PIP5K1B: variants seen among roughly 807,000 people sequenced by gnomAD.
The protein encoded by PIP5K1B is phosphatidylinositol-4-phosphate 5-kinase type 1 beta, also known as phosphatidylinositol 4-phosphate 5-kinase type-1 beta.
PIP5K1B carries 42 observed loss-of-function variants against 67.0 expected under a neutral mutation model. The ratio of observed to expected loss-of-function variants is 0.63; its 90% confidence interval spans 0.49 to 0.81. PIP5K1B has a LOEUF of 0.81. Among genes scored for constraint, PIP5K1B ranks in the 30% least tolerant of loss-of-function variants. The probability of loss-of-function intolerance (pLI) is 0.00; values close to 1 mark genes in which losing one functional copy is unlikely to be tolerated. For missense variants in PIP5K1B, 459 were observed against 646.3 expected, an observed-to-expected ratio of 0.71 and a Z score of 3.14; for synonymous variants, 214 against 231.4, an observed-to-expected ratio of 0.92 and a Z score of 0.68.
At chr9:68,794,144 T>G (rs183539348) in intron 2 of PIP5K1B, among the ~76,000 whole-genome samples, 1 of 152,052 alleles carries the variant, frequency 6.6e-6, no homozygotes, top group African/African-American at 2.4e-5. Flanking sequence ...TGCGGTGGAG[T>G]GGTGCAGTTG....
chr9:68,916,670 G>A (rs549825868), intron 8 of PIP5K1B, among the ~76,000 whole-genome samples: 5 of 152,136 alleles, frequency 3.3e-5, no homozygotes, highest in East Asian at 3.9e-4. Flanking sequence ...TCATGGGTTC[G>A]AGACCAGCCT....
At chr9:68,781,058 G>C in intron 2 of PIP5K1B, 1 of 1,588,662 alleles carries the variant, frequency 6.3e-7, no homozygotes, top group African/African-American at 1.3e-5. Context: ...TCTTTTTGCA[G>C]TGGAGAGAGA....
intron 14 of PIP5K1B, among the ~76,000 whole-genome samples, chr9:68,980,507 T>G (rs1267011074): frequency 6.6e-6 from 1 of 152,192 alleles, no homozygotes; most frequent in African/African-American, 2.4e-5. Flanking sequence ...CAAAGCCCCA[T>G]GAAAACAGGC....
intron 14 of PIP5K1B, among the ~76,000 whole-genome samples, chr9:68,988,453 T>G (rs1263480966): frequency 1.1e-4 from 7 of 66,426 alleles, no homozygotes; most frequent in Non-Finnish European, 2.2e-4. Flanking sequence ...GGTTTTTTTT[T>G]TTTTTTTTTT....
intron 14 of PIP5K1B, among the ~76,000 whole-genome samples, chr9:68,960,737 G>A (rs934029452): frequency 6.6e-6 from 1 of 152,004 alleles, no homozygotes; most frequent in Non-Finnish European, 1.5e-5. Context: ...TTATTTCATA[G>A]TTGCTGTAAC....
intron 14 of PIP5K1B, chr9:68,941,008 T>C (rs74752903): frequency 0.023 from 14,667 of 648,074 alleles, 310 homozygotes; most frequent in African/African-American, 0.074. Flanking sequence ...CATTATGTCA[T>C]GTAGAAATTA....
intron 15 of PIP5K1B, among the ~76,000 whole-genome samples, chr9:69,003,814 G>A (rs1830938437): frequency 6.6e-6 from 1 of 152,194 alleles, no homozygotes; most frequent in Non-Finnish European, 1.5e-5. Context: ...GAGGCCATCT[G>A]AGTTGGGAAG....
At chr9:68,789,484 TGTG>T (rs1201111163) in intron 2 of PIP5K1B, 2 of 519,694 alleles carry the variant, frequency 3.8e-6, no homozygotes, top group Non-Finnish European at 7.9e-6. Context: ...AAAAAGATCT[TGTG>T]GTGGTAAACA....
chr9:68,810,769 A>G (rs1833120424), intron 2 of PIP5K1B, among the ~76,000 whole-genome samples: 1 of 152,226 alleles, frequency 6.6e-6, no homozygotes, highest in South Asian at 2.1e-4. Context: ...TTTTCAATTA[A>G]GACATGCCCT....
chr9:68,849,964 C>A (rs1240332303), intron 4 of PIP5K1B, among the ~76,000 whole-genome samples: 1 of 152,032 alleles, frequency 6.6e-6, no homozygotes, highest in African/African-American at 2.4e-5. Flanking sequence ...GGTTATAGGT[C>A]CATAGGGTAT....
chr9:68,944,418 G>A (rs188413324), intron 14 of PIP5K1B, among the ~76,000 whole-genome samples: 2 of 152,124 alleles, frequency 1.3e-5, no homozygotes, highest in African/African-American at 4.8e-5. Flanking sequence ...CAAAGCTCTG[G>A]TTATGCATAA....
At chr9:68,954,273 C>G (rs1828258511) in intron 14 of PIP5K1B, among the ~76,000 whole-genome samples, 1 of 152,142 alleles carries the variant, frequency 6.6e-6, no homozygotes, top group African/African-American at 2.4e-5. Flanking sequence ...CCAATCTTCT[C>G]CCCTCTTTAT....
intron 8 of PIP5K1B, among the ~76,000 whole-genome samples, chr9:68,906,476 T>A (rs1271100871): frequency 6.6e-6 from 1 of 152,208 alleles, no homozygotes; most frequent in Non-Finnish European, 1.5e-5. Flanking sequence ...ATTCATGAAT[T>A]GATATATAAC....
At chr9:68,873,881 C>T (rs932181629) in intron 5 of PIP5K1B, among the ~76,000 whole-genome samples, 30 of 152,148 alleles carry the variant, frequency 2.0e-4, no homozygotes, top group African/African-American at 7.2e-4. Flanking sequence ...CACAGTGTAT[C>T]CAGTAGGACT....
chr9:68,745,071 C>T (rs1035269480), intron 2 of PIP5K1B, among the ~76,000 whole-genome samples: 5 of 152,176 alleles, frequency 3.3e-5, no homozygotes, highest in African/African-American at 7.2e-5. Flanking sequence ...TTGGCTTGTC[C>T]GTCAGCATCC....
intron 7 of PIP5K1B, among the ~76,000 whole-genome samples, chr9:68,891,588 C>G (rs983519833): frequency 6.6e-6 from 1 of 152,110 alleles, no homozygotes. Flanking sequence ...GAGTGCCCCT[C>G]CCATCAATAG....
At chr9:68,794,520 A>C (rs1022438243) in intron 2 of PIP5K1B, among the ~76,000 whole-genome samples, 16 of 152,084 alleles carry the variant, frequency 1.1e-4, no homozygotes, top group African/African-American at 3.6e-4. Flanking sequence ...TTACTGACTT[A>C]CTTCCTTCAT....
chr9:68,837,415 A>G (rs1388810322), intron 4 of PIP5K1B, among the ~76,000 whole-genome samples: 1 of 152,266 alleles, frequency 6.6e-6, no homozygotes, highest in Admixed American at 6.5e-5. Context: ...AAAATGCCTT[A>G]GTTTTCACTT....
chr9:68,988,819 G>A (rs1158328067), intron 14 of PIP5K1B, among the ~76,000 whole-genome samples: 1 of 151,964 alleles, frequency 6.6e-6, no homozygotes, highest in Non-Finnish European at 1.5e-5. Context: ...ACAATTTGTT[G>A]CGCATGGTGG....
Sources: gnomAD v4.1 joint callset for allele counts (sites outside exome capture counted in the v4.1 genomes callset) on GRCh38, gnomAD v4.1.1 for gene constraint, MANE v1.5 for transcripts, NCBI Gene and HGNC (gene_info 2026-07-23, HGNC 2026-07-21) for gene names.